Variants in CHAF1A observed in about 807,000 individuals in gnomAD.
CHAF1A encodes chromatin assembly factor 1 subunit A.
In CHAF1A, 5 loss-of-function variants were observed where a neutral mutation model predicts 93.2. The ratio of observed to expected loss-of-function variants is 0.05; its 90% CI spans 0.03 to 0.11. CHAF1A has a LOEUF of 0.11. Among genes scored for constraint, CHAF1A ranks in the 10% least tolerant of loss-of-function variants. CHAF1A has a pLI of 1.00. For missense variants in CHAF1A, 1,102 were observed against 1,259.9 expected, an observed-to-expected ratio of 0.87 and a Z score of 1.90; for synonymous variants, 504 against 510.3, an observed-to-expected ratio of 0.99 and a Z score of 0.17.
intron 13 of CHAF1A, among the ~76,000 whole-genome samples, chr19:4,434,463 T>C (rs952354315): frequency 3.3e-5 from 5 of 152,324 alleles, no homozygotes; most frequent in East Asian, 1.9e-4. Flanking sequence ...CTACCTTTAT[T>C]GTTTTAAACA....
At chr19:4,448,138 C>G, downstream of CHAF1A, 1 of 616,452 alleles carries the variant, frequency 1.6e-6, no homozygotes, top group Admixed American at 2.9e-5. Context: ...AAACTGAGGC[C>G]CAAGGAGGCC....
In CHAF1A at chr19:4,433,213, A is replaced by T. The variant is rs976060308; in HGVS notation, c.2347A>T (p.Thr783Ser). ...PRSPSTTYLH[T>S]PTPSEDAAIP... ...GAGCCCCTCCACCACCTACCTGCAC[A>T]CCCCCACCCCCAGCGAGGATGCCGC... The change falls in exon 13 of 15, where the codon ACC (threonine) becomes TCC (serine). Residue 783 changes from threonine to serine, a missense_variant. By Grantham distance (58) the Thr-to-Ser change is moderately conservative. Coordinates refer to ENST00000301280, the MANE Select transcript of CHAF1A (RefSeq NM_005483.3). This position sits in a 1 kb window ranked among gnomAD's most constrained non-coding sequence, Gnocchi z 5.6. 5.0e-6 allele frequency: 8 copies of T among 1,613,128 alleles called. No individual in the cohort carries two copies. Among genetic ancestry groups the T allele is most frequent in the African/African-American group, 1.3e-5 (1 of 74,606 alleles).
chr19:4,432,155 C>G lies in CHAF1A; in HGVS notation c.2151C>G (p.Ala717=), dbSNP rs570137266. The G allele has an allele frequency of 1.7e-5, 28 of 1,612,426 alleles. No individual in the cohort carries two copies. In the African/African-American group the frequency reaches 3.5e-4, roughly 20 times the overall value. ...CCTGCTTCCTGGAGACCCTGCCGGCCCAGGAGGAGCAGACGCCCAAGGCCT... is the reference window on the plus strand; with the variant it reads ...CCTGCTTCCTGGAGACCCTGCCGGCGCAGGAGGAGCAGACGCCCAAGGCCT... ...FAACFLETLP[A]QEEQTPKASK... is the part of the protein sequence containing the mutation. Residue 717 remains alanine (A), a synonymous_variant, in exon 12 of 15, where the codon GCC becomes GCG. Transcript: ENST00000301280.
At chr19:4,405,561 C>T (rs1473708494) in intron 1 of CHAF1A, among the ~76,000 whole-genome samples, 1 of 150,688 alleles carries the variant, frequency 6.6e-6, no homozygotes, top group East Asian at 1.9e-4. Flanking sequence ...TGAGCTGAGA[C>T]TGTGCCATTG....
intron 4 of CHAF1A, among the ~76,000 whole-genome samples, chr19:4,418,306 A>G (rs573523006): frequency 6.6e-6 from 1 of 152,096 alleles, no homozygotes; most frequent in South Asian, 2.1e-4. Flanking sequence ...GGCCTTTTCT[A>G]AGCTTTTATC....
chr19:4,429,781 G>T lies in CHAF1A; in HGVS notation c.1847G>T (p.Ser616Ile). 1 of 1,613,196 alleles carries T rather than the reference G, an allele frequency of 6.2e-7. No individual in the cohort carries two copies. Among genetic ancestry groups the T allele is most frequent in the Non-Finnish European group, 8.5e-7 (1 of 1,179,514 alleles). ...GAGCCTGGGGAGTCCCTGTCCCACAGTGAGGGGGTAAGGATGTGCCCCAGC... is the reference window on the plus strand; with the variant it reads ...GAGCCTGGGGAGTCCCTGTCCCACATTGAGGGGGTAAGGATGTGCCCCAGC... ...EEEPGESLSHSEGDDDDDMGE... is the reference protein window; with the variant it reads ...EEEPGESLSHIEGDDDDDMGE... Residue 616 changes from serine (S) to isoleucine (I), a missense_variant, in exon 10 of 15, where the codon AGT becomes ATT. Physicochemically the swap from Ser to Ile is moderately radical, Grantham distance 142. This residue lies in a region of CHAF1A where 335 missense variants were observed against 361.9 expected (regional missense o/e 0.93). Transcript: ENST00000301280.
At chr19:4,413,182 C>T (rs1973838847) in intron 3 of CHAF1A, among the ~76,000 whole-genome samples, 1 of 152,146 alleles carries the variant, frequency 6.6e-6, no homozygotes, top group Admixed American at 6.6e-5. Flanking sequence ...AGCAATTCTC[C>T]TGTCTCAACC....
intron 3 of CHAF1A, among the ~76,000 whole-genome samples, chr19:4,414,330 G>A (rs1293304186): frequency 6.6e-6 from 1 of 151,826 alleles, no homozygotes; most frequent in African/African-American, 2.4e-5. Flanking sequence ...GAGCCAAGGA[G>A]GCAGAGGTTG....
At position 4,433,486 on chromosome 19, in the gene CHAF1A, G is replaced by A. The variant is rs765931143; in HGVS notation, c.2620G>A (p.Ala874Thr). 6.3e-7 allele frequency: 1 copy of A among 1,596,284 alleles called. No individual in the cohort carries two copies. The highest frequency in any genetic ancestry group is 1.1e-5 in the South Asian group (1 of 90,730). Residue 874 changes from alanine (A) to threonine (T), a missense_variant, in exon 13 of 15, where the codon GCG (alanine) becomes ACG (threonine). Ala to Thr is a moderately conservative substitution (Grantham distance 58, BLOSUM62 0). Coordinates refer to ENST00000301280, the MANE Select transcript of CHAF1A (RefSeq NM_005483.3). This position sits in a 1 kb window ranked among gnomAD's most constrained non-coding sequence, Gnocchi z 5.6. ...GTPISLKRKSAGSMCITQFMK... is the reference protein window; with the variant it reads ...GTPISLKRKSTGSMCITQFMK... Reference sequence around the variant, plus strand: ...TCCCATCTCGCTGAAGAGGAAGTCAGCGGGCAGCATGTGCATCACCCAATT... The same window carrying A: ...TCCCATCTCGCTGAAGAGGAAGTCAACGGGCAGCATGTGCATCACCCAATT...
At chr19:4,427,727 AC>A (rs1974110426) in intron 7 of CHAF1A, among the ~76,000 whole-genome samples, 1 of 152,228 alleles carries the variant, frequency 6.6e-6, no homozygotes. Flanking sequence ...AGCTGGGACT[AC>A]AGGTGCATGC....
chr19:4,409,640 G>A lies in CHAF1A; in HGVS notation c.841G>A (p.Val281Ile). Reference sequence around the variant, plus strand: ...GGAATCTTTCCCCGAAGAAGACTCTGTACTCAGCCATTCGTCCCTGAGCTC... The same window carrying A: ...GGAATCTTTCCCCGAAGAAGACTCTATACTCAGCCATTCGTCCCTGAGCTC... ...VLESFPEEDS[V>I]LSHSSLSSPS... is the part of the protein sequence containing the mutation. Residue 281 changes from valine to isoleucine, a missense_variant, in exon 3 of 15, where the codon GTA (valine) becomes ATA (isoleucine). This residue lies in a region of CHAF1A where 379 missense variants were observed against 365.7 expected (regional missense o/e 1.04). Coordinates refer to ENST00000301280, the MANE Select transcript of CHAF1A (RefSeq NM_005483.3). The A allele has an allele frequency of 1.2e-6, 2 of 1,614,152 alleles. No homozygotes were observed. Among genetic ancestry groups the A allele is most frequent in the Non-Finnish European group, 8.5e-7 (1 of 1,180,028 alleles).
chr19:4,449,577 G>C (rs2145178837), downstream of CHAF1A: 1 of 152,466 alleles, frequency 6.6e-6, no homozygotes, highest in African/African-American at 2.4e-5. Context: ...AGAGCGCCCG[G>C]GACAGCACAC....
Position 4,414,039 on chromosome 19 carries a change from G to A in CHAF1A, c.961-3981G>A, listed in dbSNP as rs138549624. ...TTACTGGAATCTTTGGCTTGCTTCT[G>A]TGCCCAGATTGCTGGAACTTCTTTC... On this transcript the variant is annotated intron_variant, in intron 3 of 14. Transcript: ENST00000301280. Among the ~76,000 whole-genome samples, 160 of 152,272 alleles carry A rather than the reference G, an allele frequency of 1.1e-3. 6 individuals are homozygous for A. In the East Asian group the frequency reaches 0.023, roughly 22 times the overall value.
At chr19:4,443,583 G>A (rs533045246), downstream of CHAF1A, among the ~76,000 whole-genome samples, 125 of 152,262 alleles carry the variant, frequency 8.2e-4, no homozygotes, top group African/African-American at 2.6e-3. Flanking sequence ...GGGTTTTTCC[G>A]CACGTGCTTC....
downstream of CHAF1A, chr19:4,448,727 C>T (rs1974594438): frequency 5.2e-6 from 2 of 386,330 alleles, no homozygotes; most frequent in Non-Finnish European, 9.7e-6. Context: ...GGCTTTAGAA[C>T]TCGACCTCAG....
At chr19:4,446,139 C>T (rs1037176391), downstream of CHAF1A, 7 of 1,611,890 alleles carry the variant, frequency 4.3e-6, no homozygotes, top group African/African-American at 8.0e-5. Context: ...AGTCGCTCTG[C>T]AGGGCCTCCC....
intron 4 of CHAF1A, among the ~76,000 whole-genome samples, chr19:4,419,763 T>A (rs1047779471): frequency 3.3e-5 from 5 of 152,172 alleles, no homozygotes; most frequent in African/African-American, 4.8e-5. Context: ...TCTCATTCTT[T>A]GGAACAAGAG....
At chr19:4,446,104 G>A (rs757141712), downstream of CHAF1A, 50 of 1,612,560 alleles carry the variant, frequency 3.1e-5, no homozygotes, top group East Asian at 1.3e-4. Flanking sequence ...CTGCCCTCCC[G>A]AGGCCAGCAG....
chr19:4,404,527 T>C (rs1362099754), intron 1 of CHAF1A, among the ~76,000 whole-genome samples: 1 of 152,212 alleles, frequency 6.6e-6, no homozygotes, highest in Non-Finnish European at 1.5e-5. Flanking sequence ...TGTCTTTATT[T>C]CTTTGAAGTG....
Sources: allele counts gnomAD v4.1 joint callset (sites outside exome capture counted in the v4.1 genomes callset), GRCh38; gene constraint gnomAD v4.1.1; regional missense constraint gnomAD v4.1.1; non-coding constraint Gnocchi (gnomAD v3.1); transcripts MANE v1.5; gene names NCBI Gene and HGNC (gene_info 2026-07-23, HGNC 2026-07-21).